Variants in ATG10 observed in about 807,000 individuals in gnomAD.
ATG10 encodes ubiquitin-like-conjugating enzyme ATG10.
In ATG10, 30 loss-of-function variants were observed where a neutral mutation model predicts 32.1. The observed-to-expected ratio is 0.94, with a 90% CI of 0.70 to 1.27. The LOEUF is 1.27. Ranked by LOEUF, ATG10 falls within the 50% of genes most tolerant of loss-of-function variation. The pLI, the probability that ATG10 is intolerant of heterozygous loss-of-function variation, is 0.00. For missense variants in ATG10, 233 were observed against 262.3 expected, an observed-to-expected ratio of 0.89 and a Z score of 0.77; for synonymous variants, 87 against 91.5, an observed-to-expected ratio of 0.95 and a Z score of 0.28.
At chr5:82,071,387 C>T (rs1764128464) in intron 3 of ATG10, among the ~76,000 whole-genome samples, 1 of 152,148 alleles carries the variant, frequency 6.6e-6, no homozygotes, top group Non-Finnish European at 1.5e-5. Context: ...CCATGTCTCC[C>T]TCTGTCTACC....
chr5:82,107,004 C>T (rs1765464246), intron 3 of ATG10, among the ~76,000 whole-genome samples: 1 of 151,982 alleles, frequency 6.6e-6, no homozygotes, highest in Admixed American at 6.6e-5. Flanking sequence ...TTAGTGTAAC[C>T]AAGTGTTCCT....
At chr5:82,236,393 C>A (rs1039968271) in intron 5 of ATG10, among the ~76,000 whole-genome samples, 8 of 152,120 alleles carry the variant, frequency 5.3e-5, no homozygotes, top group African/African-American at 1.9e-4. Flanking sequence ...GGAGTTCTGG[C>A]ATATTAATAG....
At chr5:82,061,337 AT>A (rs1763762284) in intron 3 of ATG10, among the ~76,000 whole-genome samples, 1 of 112,526 alleles carries the variant, frequency 8.9e-6, no homozygotes, top group South Asian at 3.5e-4. Flanking sequence ...ATCACATAAG[AT>A]TTTCTTAGAA....
At chr5:82,038,104 T>C (rs2149723955) in intron 2 of ATG10, among the ~76,000 whole-genome samples, 1 of 152,346 alleles carries the variant, frequency 6.6e-6, no homozygotes, top group Middle Eastern at 3.4e-3. Context: ...CTCTAGAGCC[T>C]GAGATAAAGG....
At chr5:82,097,275 G>A (rs1156672739) in intron 3 of ATG10, among the ~76,000 whole-genome samples, 1 of 151,968 alleles carries the variant, frequency 6.6e-6, no homozygotes, top group African/African-American at 2.4e-5. Context: ...CCTTCCTTTT[G>A]CCAGAACCCA....
chr5:82,086,183 GA>G (rs1764684040), intron 3 of ATG10, among the ~76,000 whole-genome samples: 1 of 151,878 alleles, frequency 6.6e-6, no homozygotes, highest in South Asian at 2.1e-4. Flanking sequence ...TTAGTATAGA[GA>G]AAAAATAATC....
chr5:82,040,178 C>T (rs1046241399), intron 2 of ATG10, among the ~76,000 whole-genome samples: 3 of 150,548 alleles, frequency 2.0e-5, no homozygotes, highest in Non-Finnish European at 4.4e-5. Context: ...AGCCCATTTT[C>T]AGGGGGAGGG....
intron 5 of ATG10, among the ~76,000 whole-genome samples, chr5:82,210,535 C>A (rs771487634): frequency 6.6e-6 from 1 of 152,206 alleles, no homozygotes; most frequent in African/African-American, 2.4e-5. Flanking sequence ...AAATACCAGG[C>A]TCATTTCTCT....
At chr5:82,002,273 C>CA (rs1156643014) in intron 2 of ATG10, among the ~76,000 whole-genome samples, 1 of 152,184 alleles carries the variant, frequency 6.6e-6, no homozygotes, top group East Asian at 1.9e-4. Context: ...TTTGACGCAG[C>CA]AATCCCAATA....
chr5:82,084,386 G>C (rs1361887124), intron 3 of ATG10, among the ~76,000 whole-genome samples: 1 of 152,156 alleles, frequency 6.6e-6, no homozygotes, highest in South Asian at 2.1e-4. Context: ...AGGGAGAATG[G>C]AACCAAGTTG....
At chr5:82,244,036 T>C (rs1000837685) in intron 5 of ATG10, among the ~76,000 whole-genome samples, 1 of 152,076 alleles carries the variant, frequency 6.6e-6, no homozygotes, top group African/African-American at 2.4e-5. Context: ...GGGCCAACAA[T>C]TAAATATCTG....
chr5:82,125,174 T>A (rs1322342542), intron 3 of ATG10, among the ~76,000 whole-genome samples: 3 of 152,252 alleles, frequency 2.0e-5, no homozygotes, highest in African/African-American at 7.2e-5. Flanking sequence ...TCTTTGTAGA[T>A]TCTGGATATT....
At position 81,996,808 on chromosome 5, in the gene ATG10, C is replaced by T. The variant is rs535450587; in HGVS notation, c.108+9130C>T. 2.6e-5 allele frequency among the ~76,000 whole-genome samples: 4 copies of T among 152,300 alleles called. No homozygotes were observed. The South Asian group carries it at 6.2e-4, about 24-fold the overall frequency. ...CTCATGCAAGTTATTTTTTCTTTCACATCCTTAGTTTTTACATCTAGCAAA... is the reference window on the plus strand; with the variant it reads ...CTCATGCAAGTTATTTTTTCTTTCATATCCTTAGTTTTTACATCTAGCAAA... On this transcript the variant is annotated intron_variant, in intron 2 of 7. Transcript: ENST00000282185.
rs1375572602 is a variant in ATG10, at chr5:82,000,482, A to AAAAG, written c.108+12814_108+12817dup. Among the ~76,000 whole-genome samples the AAAAG allele has an allele frequency of 6.6e-5, 10 of 152,284 alleles. No individual in the cohort carries two copies. The East Asian group carries it at 1.9e-3, about 29-fold the overall frequency. ...TCCTGGCCAGAGCAATCAGGTAAGA[A>AAAAG]AAAGAAAGAAAGAGCATCCAGATAG... is the stretch of plus-strand genomic sequence containing the variant. On this transcript the variant is annotated intron_variant, in intron 2 of 7. Transcript: ENST00000282185.
At chr5:82,211,798 A>G (rs1343584487) in intron 5 of ATG10, among the ~76,000 whole-genome samples, 1 of 152,182 alleles carries the variant, frequency 6.6e-6, no homozygotes, top group Non-Finnish European at 1.5e-5. Flanking sequence ...TTCTTCATCC[A>G]TTAATGCCTC....
At chr5:82,234,309 G>C (rs898767386) in intron 5 of ATG10, among the ~76,000 whole-genome samples, 1 of 152,092 alleles carries the variant, frequency 6.6e-6, no homozygotes, top group African/African-American at 2.4e-5. Context: ...TAGCATATTG[G>C]GGGAGAGACC....
At chr5:82,224,966 C>G (rs772638476) in intron 5 of ATG10, among the ~76,000 whole-genome samples, 7 of 152,194 alleles carry the variant, frequency 4.6e-5, no homozygotes, top group Non-Finnish European at 8.8e-5. Flanking sequence ...AAACTACAAA[C>G]TTACATGAAT....
intron 5 of ATG10, among the ~76,000 whole-genome samples, chr5:82,225,427 T>C (rs1224604773): frequency 6.6e-6 from 1 of 152,106 alleles, no homozygotes; most frequent in Non-Finnish European, 1.5e-5. Context: ...CACCCAGCTG[T>C]TTGCAGATCA....
rs550307809 is a variant in ATG10 at position 82,145,235 on chromosome 5, T to C, written c.217-19164T>C. On this transcript the variant is annotated intron_variant, in intron 3 of 7. Transcript: ENST00000282185. ...CCTTTTAATTAAAATGTTTAGTGCATTGGCATTTATGTAATAATTAATATG... is the reference window on the plus strand; with the variant it reads ...CCTTTTAATTAAAATGTTTAGTGCACTGGCATTTATGTAATAATTAATATG... Among the ~76,000 whole-genome samples, 9 of 152,254 alleles carry C rather than the reference T, an allele frequency of 5.9e-5. No homozygotes were observed. In the South Asian group the frequency reaches 1.7e-3, roughly 28 times the overall value.
Sources: allele counts gnomAD v4.1 joint callset (sites outside exome capture counted in the v4.1 genomes callset), GRCh38; gene constraint gnomAD v4.1.1; transcripts MANE v1.5; gene names NCBI Gene and HGNC (gene_info 2026-07-23, HGNC 2026-07-21).